The following FOCAD variants were observed in gnomAD, a reference collection of about 807,000 sequenced individuals.
FOCAD encodes the protein focadhesin.
A neutral mutation model predicts 225.6 loss-of-function variants in FOCAD; 198 were observed. That is an observed-to-expected ratio of 0.88 (90% CI 0.78 to 0.99). The LOEUF (loss-of-function observed/expected upper bound fraction) is 0.99. Ranked by LOEUF, FOCAD falls within the 50% of genes least tolerant of loss-of-function variation. The probability of loss-of-function intolerance (pLI) is 0.00; values close to 1 mark genes in which losing one functional copy is unlikely to be tolerated. For missense variants in FOCAD, 2,713 were observed against 2,123.6 expected (o/e 1.28, Z -5.46); for synonymous variants, 897 against 755.0 (o/e 1.19, Z -3.08).
chr9:20,675,087 G>A (rs1204748620), intron 2 of FOCAD, among the ~76,000 whole-genome samples: 2 of 152,130 alleles, frequency 1.3e-5, no homozygotes, highest in South Asian at 2.1e-4. Flanking sequence ...GGTTAAAAAA[G>A]TTTTTCTTCT....
intron 11 of FOCAD, among the ~76,000 whole-genome samples, chr9:20,798,611 C>G (rs539060079): frequency 3.2e-3 from 481 of 152,190 alleles, no homozygotes; most frequent in African/African-American, 0.011. Context: ...TCCATTTCTT[C>G]TAGATTTTCT....
At chr9:20,877,460 C>T (rs1830321569) in intron 19 of FOCAD, among the ~76,000 whole-genome samples, 1 of 152,086 alleles carries the variant, frequency 6.6e-6, no homozygotes. Flanking sequence ...TCACTTTACA[C>T]AATAAAATAG....
intron 39 of FOCAD, among the ~76,000 whole-genome samples, chr9:20,983,879 G>A (rs577501834): frequency 1.3e-5 from 2 of 152,252 alleles, no homozygotes; most frequent in African/African-American, 4.8e-5. Context: ...TAAGGACTCA[G>A]TATTTATTAT....
intron 19 of FOCAD, among the ~76,000 whole-genome samples, 153 bp from the exon 20 acceptor site, chr9:20,881,718 T>G (rs998383523): frequency 3.3e-5 from 5 of 152,074 alleles, no homozygotes; most frequent in African/African-American, 1.2e-4. Flanking sequence ...GGAGGAAGAC[T>G]AAGAAAGGGA....
At chr9:20,994,225 A>T (rs1841897724) in intron 43 of FOCAD, among the ~76,000 whole-genome samples, 1 of 152,200 alleles carries the variant, frequency 6.6e-6, no homozygotes, top group African/African-American at 2.4e-5. Context: ...GTACTTCTCT[A>T]CCGACTTTGT....
At chr9:20,662,316 T>C (rs1245578104) in intron 2 of FOCAD, among the ~76,000 whole-genome samples, 1 of 152,174 alleles carries the variant, frequency 6.6e-6, no homozygotes, top group Non-Finnish European at 1.5e-5. Flanking sequence ...GAACGTAGTC[T>C]GCACAAAAGC....
At chr9:20,704,236 C>T (rs1197003333) in intron 1 of FOCAD, among the ~76,000 whole-genome samples, 2 of 152,152 alleles carry the variant, frequency 1.3e-5, no homozygotes, top group Non-Finnish European at 2.9e-5. Flanking sequence ...AGATACTCTC[C>T]ATGTCCATTT....
In FOCAD at chr9:20,866,917, T is replaced by TTTAAAAAAAAAA; in HGVS notation, c.2107-12_2107-11insTTAAAAAAAAAA. The TTTAAAAAAAAAA allele has an allele frequency of 3.9e-6, 3 of 764,972 alleles. No individual in the cohort carries two copies. Among genetic ancestry groups the TTTAAAAAAAAAA allele is most frequent in the Non-Finnish European group, 6.0e-6 (3 of 498,468 alleles). 47.4% of individuals were successfully genotyped at this position (764,972 alleles called of 1,614,324 possible). A position where few individuals can be genotyped will look rare whatever the true frequency, so the allele number is the denominator to read the frequency against. Reference sequence around the variant, plus strand: ...TTTTTTTTTTTTTTTTTTTTTTTTTTACCCTATCTAGGACCCAATTGTAGC... The same window carrying TTTAAAAAAAAAA: ...TTTTTTTTTTTTTTTTTTTTTTTTTTTTAAAAAAAAAAACCCTATCTAGGACCCAATTGTAGC... On this transcript the variant is annotated splice_polypyrimidine_tract_variant and intron_variant, in intron 17 of 43. Transcript: ENST00000338382.
chr9:20,661,239 G>A (rs1307031732), intron 2 of FOCAD, among the ~76,000 whole-genome samples: 1 of 152,150 alleles, frequency 6.6e-6, no homozygotes, highest in African/African-American at 2.4e-5. Flanking sequence ...CCAAAGACTA[G>A]TAAAAGGACT....
chr9:20,874,481 A>G (rs1316189577), intron 18 of FOCAD, 200 bp from the exon 19 acceptor site: 6 of 516,816 alleles, frequency 1.2e-5, no homozygotes, highest in Non-Finnish European at 2.0e-5. Context: ...TGTATCTAAT[A>G]AGATGACTAG....
In FOCAD at chr9:20,715,478, T is replaced by G. The variant is rs1825258978; in HGVS notation, c.57+68T>G. Reference sequence around the variant, plus strand: ...CTGTTCTGTGGATTTTTAACTGAACTTTATATATTTAATATTAAATATTTT... The same window carrying G: ...CTGTTCTGTGGATTTTTAACTGAACGTTATATATTTAATATTAAATATTTT... On this transcript the variant is annotated intron_variant, in intron 2 of 43. Transcript: ENST00000338382. 3 of 723,540 alleles carry G rather than the reference T, an allele frequency of 4.1e-6. No individual in the cohort carries two copies. In the African/African-American group the frequency reaches 5.6e-5, roughly 13 times the overall value. 44.8% of individuals were successfully genotyped at this position (723,540 alleles called of 1,614,324 possible). A position where few individuals can be genotyped will look rare whatever the true frequency, so the allele number is the denominator to read the frequency against.
chr9:20,699,170 C>G (rs1181865675), intron 1 of FOCAD, among the ~76,000 whole-genome samples: 1 of 152,168 alleles, frequency 6.6e-6, no homozygotes, highest in Non-Finnish European at 1.5e-5. Flanking sequence ...CTGAGCTGAT[C>G]TGATCTTTGA....
At chr9:20,906,810 C>T (rs1400611865) in intron 21 of FOCAD, among the ~76,000 whole-genome samples, 1 of 152,016 alleles carries the variant, frequency 6.6e-6, no homozygotes, top group African/African-American at 2.4e-5. Flanking sequence ...TAGACAATGC[C>T]AAGTTTCCTG....
At chr9:20,894,537 T>C (rs952225549) in intron 21 of FOCAD, among the ~76,000 whole-genome samples, 1 of 152,128 alleles carries the variant, frequency 6.6e-6, no homozygotes. Context: ...GTGGTCTGGA[T>C]TTTGGCCATT....
At chr9:20,967,648 T>C (rs1361975340) in intron 35 of FOCAD, among the ~76,000 whole-genome samples, 1 of 152,152 alleles carries the variant, frequency 6.6e-6, no homozygotes, top group East Asian at 1.9e-4. Flanking sequence ...CAGTTTTTCT[T>C]TATCATGTTA....
intron 15 of FOCAD, among the ~76,000 whole-genome samples, chr9:20,824,901 AAACT>A (rs1351194585): frequency 6.6e-6 from 1 of 152,100 alleles, no homozygotes; most frequent in Non-Finnish European, 1.5e-5. Flanking sequence ...TTACTAAAGC[AAACT>A]ATTTTATTGA....
intron 11 of FOCAD, among the ~76,000 whole-genome samples, chr9:20,811,999 A>T (rs564289729): frequency 6.6e-6 from 1 of 152,102 alleles, no homozygotes; most frequent in Non-Finnish European, 1.5e-5. Flanking sequence ...AATGGCAAAC[A>T]CACTTGTATA....
chr9:20,835,656 C>G lies in FOCAD; in HGVS notation c.1920+12541C>G, dbSNP rs376528179. 2.6e-5 allele frequency among the ~76,000 whole-genome samples: 4 copies of G among 152,006 alleles called. No homozygotes were observed. The South Asian group carries it at 8.3e-4, about 32-fold the overall frequency. ...GTTGGAGAAGAAATACAGGATGTGC[C>G]GAAATTAAAATCAATACATTGTTCT... On this transcript the variant is annotated intron_variant, in intron 15 of 43. Transcript: ENST00000338382.
chr9:20,896,028 G>A (rs1263123738), intron 21 of FOCAD, among the ~76,000 whole-genome samples: 3 of 151,766 alleles, frequency 2.0e-5, no homozygotes, highest in Admixed American at 2.0e-4. Context: ...TTATCAAGTT[G>A]AGGAAGTTCT....
Sources: gnomAD v4.1 joint callset for allele counts (sites outside exome capture counted in the v4.1 genomes callset) on GRCh38, gnomAD v4.1.1 for gene constraint, MANE v1.5 for transcripts, NCBI Gene and HGNC (gene_info 2026-07-23, HGNC 2026-07-21) for gene names.